The following PDCD2L variants were observed in gnomAD, a reference collection of about 807,000 sequenced individuals.
PDCD2L encodes programmed cell death 2 like, also known as uS5 assembly chaperone PDCD2L.
Under a neutral mutation model 40.4 loss-of-function variants are expected in PDCD2L, and 44 were observed. That is an observed-to-expected ratio of 1.09 (90% CI 0.86 to 1.40). The LOEUF (loss-of-function observed/expected upper bound fraction) is 1.40, where lower values mean the gene tolerates loss of function less well. Among genes scored for constraint, PDCD2L ranks in the 40% most tolerant of loss-of-function variants. The pLI is 0.00. For missense variants in PDCD2L, 470 were observed against 453.7 expected, an observed-to-expected ratio of 1.04 and a Z score of -0.33; for synonymous variants, 194 against 174.6, an observed-to-expected ratio of 1.11 and a Z score of -0.88.
In PDCD2L at chr19:34,421,478, T is replaced by C. The variant is rs1243093135; in HGVS notation, c.798-41T>C. 5.0e-6 allele frequency: 8 copies of C among 1,605,422 alleles called. No individual in the cohort carries two copies. In the East Asian group the frequency reaches 1.6e-4, roughly 31 times the overall value. The stretch of plus-strand genomic sequence containing the variant: ...TGGCCTTAGATGCTAGAATGCGACT[T>C]GTGTGGCTCTGATTCGGGGTTCTTT... On this transcript the variant is annotated intron_variant, in intron 5 of 6. Transcript: ENST00000246535.
intron 3 of PDCD2L, among the ~76,000 whole-genome samples, chr19:34,406,714 T>C (rs191191944): frequency 6.6e-6 from 1 of 151,812 alleles, no homozygotes; most frequent in East Asian, 1.9e-4. Context: ...ATTAACTATA[T>C]TCATGCTGTG....
chr19:34,421,726 G>A (rs1419064395), intron 6 of PDCD2L, 59 bp downstream of exon 6: 1 of 1,509,278 alleles, frequency 6.6e-7, no homozygotes, highest in African/African-American at 1.4e-5. Flanking sequence ...TTAAATAAAT[G>A]AAAAACCTTT....
chr19:34,407,236 G>C (rs1324095961), intron 3 of PDCD2L, among the ~76,000 whole-genome samples: 2 of 151,598 alleles, frequency 1.3e-5, no homozygotes, highest in African/African-American at 4.9e-5. Flanking sequence ...CCGCCTCCCA[G>C]GTTCGAGCAA....
At chr19:34,422,925 A>G (rs1478949342) in intron 6 of PDCD2L, among the ~76,000 whole-genome samples, 3 of 151,716 alleles carry the variant, frequency 2.0e-5, no homozygotes, top group Non-Finnish European at 4.4e-5. Flanking sequence ...TCACTGTGTT[A>G]GCCAGGATGG....
At chr19:34,419,512 T>C (rs2075139661) in intron 5 of PDCD2L, among the ~76,000 whole-genome samples, 1 of 151,016 alleles carries the variant, frequency 6.6e-6, no homozygotes, top group East Asian at 1.9e-4. Context: ...TTTTTTTTTT[T>C]TAAAGAGATG....
At chr19:34,419,796 A>ATTTTTTTTCT (rs2075141865) in intron 5 of PDCD2L, among the ~76,000 whole-genome samples, 1 of 8,582 alleles carries the variant, frequency 1.2e-4, no homozygotes, top group Non-Finnish European at 4.9e-4. Flanking sequence ...TTTTTTTTTA[A>ATTTTTTTTCT]GAGATTGGGT....
At chr19:34,418,904 A>G (rs1222150754) in intron 5 of PDCD2L, among the ~76,000 whole-genome samples, 1 of 152,162 alleles carries the variant, frequency 6.6e-6, no homozygotes, top group Admixed American at 6.6e-5. Flanking sequence ...CTTGTTTTCC[A>G]TCTCTGTATA....
At chr19:34,418,478 C>T (rs1017149048) in intron 5 of PDCD2L, among the ~76,000 whole-genome samples, 8 of 152,146 alleles carry the variant, frequency 5.3e-5, no homozygotes, top group Middle Eastern at 3.4e-3. Flanking sequence ...TCCTTTTGAC[C>T]GCTGTGTCGT....
chr19:34,405,998 A>G (rs1045726338), intron 3 of PDCD2L, among the ~76,000 whole-genome samples: 5 of 152,156 alleles, frequency 3.3e-5, no homozygotes, highest in Non-Finnish European at 5.9e-5. Context: ...CAAATTAGCC[A>G]GGCATGATGG....
At chr19:34,413,023 A>ATT (rs2075111196) in intron 4 of PDCD2L, among the ~76,000 whole-genome samples, 3 of 151,318 alleles carry the variant, frequency 2.0e-5, no homozygotes, top group African/African-American at 2.4e-5. Flanking sequence ...TACAGGCGTG[A>ATT]GCCCACTGCA....
At chr19:34,424,490 G>A (rs2075166830) in intron 6 of PDCD2L, among the ~76,000 whole-genome samples, 2 of 152,180 alleles carry the variant, frequency 1.3e-5, no homozygotes, top group Non-Finnish European at 2.9e-5. Flanking sequence ...GGCCAAGCAG[G>A]CAACCTGAGA....
intron 4 of PDCD2L, among the ~76,000 whole-genome samples, chr19:34,410,536 G>A (rs2075097437): frequency 6.6e-6 from 1 of 152,146 alleles, no homozygotes; most frequent in Non-Finnish European, 1.5e-5. Flanking sequence ...ACAGGCGTGA[G>A]CCATTGTGCC....
Position 34,404,609 on chromosome 19 carries a change from G to T in PDCD2L, c.109-40G>T, listed in dbSNP as rs769551016. The T allele has an allele frequency of 1.9e-6, 3 of 1,599,624 alleles. No homozygotes were observed. The Admixed American group carries it at 5.1e-5, about 27-fold the overall frequency. On this transcript the variant is annotated intron_variant, in intron 1 of 6. Coordinates refer to ENST00000246535, the MANE Select transcript of PDCD2L (RefSeq NM_032346.2). ...GTGCGGAGGGAGTGGGCGAGGTCCT[G>T]GGGGGAGTCGGGGTCTGAGCGCCTC...
At chr19:34,410,774 A>ATTTG (rs2145460990) in intron 4 of PDCD2L, among the ~76,000 whole-genome samples, 1 of 150,016 alleles carries the variant, frequency 6.7e-6, no homozygotes, top group African/African-American at 2.4e-5. Context: ...TTATTTATTT[A>ATTTG]TTTATTTATT....
intron 5 of PDCD2L, among the ~76,000 whole-genome samples, chr19:34,420,252 A>G (rs1357906651): frequency 6.6e-6 from 1 of 150,926 alleles, no homozygotes; most frequent in Non-Finnish European, 1.5e-5. Context: ...CAGCCTCCCA[A>G]AGTGCTGAGA....
rs542448311 is a variant in PDCD2L, at chr19:34,417,981, G to C, written c.798-3538G>C. On this transcript the variant is annotated intron_variant, in intron 5 of 6. Transcript: ENST00000246535. ...TCTTTTAAATGTAGCCATTCTAGTA[G>C]GTGGTGGTGGTGGTATTTCCTTGTG... Among the ~76,000 whole-genome samples the C allele has an allele frequency of 1.1e-4, 17 of 152,216 alleles. No individual in the cohort carries two copies. In the East Asian group the frequency reaches 2.7e-3, roughly 24 times the overall value.
In PDCD2L at chr19:34,416,323, A is replaced by T. The variant is rs150267670; in HGVS notation, c.797+2476A>T. On this transcript the variant is annotated intron_variant, in intron 5 of 6. Transcript: ENST00000246535. ...TGGTGGACCCAGCTGTTGGCTGAAGAACTGGGTGTGGTGGGGAGGTGGTGT... is the reference window on the plus strand; with the variant it reads ...TGGTGGACCCAGCTGTTGGCTGAAGTACTGGGTGTGGTGGGGAGGTGGTGT... 1.8e-3 allele frequency among the ~76,000 whole-genome samples: 268 copies of T among 152,276 alleles called. 4 individuals are homozygous for T. The South Asian group carries it at 0.029, about 16-fold the overall frequency.
intron 5 of PDCD2L, among the ~76,000 whole-genome samples, chr19:34,419,091 G>GT (rs917723642): frequency 2.9e-4 from 44 of 151,958 alleles, no homozygotes; most frequent in African/African-American, 6.5e-4. Context: ...AACAGTTATG[G>GT]TTTTTTTAAC....
At chr19:34,411,523 G>C (rs1436156236) in intron 4 of PDCD2L, among the ~76,000 whole-genome samples, 1 of 151,958 alleles carries the variant, frequency 6.6e-6, no homozygotes, top group African/African-American at 2.4e-5. Context: ...GGGATTACAG[G>C]TATTAGCCAC....
Sources: gnomAD v4.1 joint callset for allele counts (sites outside exome capture counted in the v4.1 genomes callset) on GRCh38, gnomAD v4.1.1 for gene constraint, MANE v1.5 for transcripts, NCBI Gene and HGNC (gene_info 2026-07-23, HGNC 2026-07-21) for gene names.